Variants in SEMA3E observed in about 807,000 individuals in gnomAD.
The protein encoded by SEMA3E is semaphorin-3E.
Under a neutral mutation model 93.6 loss-of-function variants are expected in SEMA3E, and 49 were observed. The ratio of observed to expected loss-of-function variants is 0.52; its 90% confidence interval spans 0.42 to 0.66. The LOEUF (loss-of-function observed/expected upper bound fraction) is 0.66. SEMA3E is among the 30% of genes least tolerant of loss of function. The pLI, the probability that SEMA3E is intolerant of heterozygous loss-of-function variation, is 0.00. For synonymous variants in SEMA3E, 363 were observed against 330.7 expected (o/e 1.10, Z -1.06); for missense variants, 906 against 964.8 (o/e 0.94, Z 0.81).
At chr7:83,469,186 G>A in intron 3 of SEMA3E, 57 bp downstream of exon 3, 1 of 1,367,318 alleles carries the variant, frequency 7.3e-7, no homozygotes, top group Non-Finnish European at 1.0e-6. Flanking sequence ...TCAGTTCTTT[G>A]TGGTTAACTA....
At chr7:83,418,606 A>C in intron 4 of SEMA3E, 123 bp from the exon 5 acceptor site, 1 of 747,214 alleles carries the variant, frequency 1.3e-6, no homozygotes, top group Non-Finnish European at 2.4e-6. Context: ...GAGCACCAGT[A>C]GCATCAATTT....
At chr7:83,642,498 G>T (rs1057399720) in intron 1 of SEMA3E, among the ~76,000 whole-genome samples, 1 of 152,076 alleles carries the variant, frequency 6.6e-6, no homozygotes. Context: ...GACATGTCCT[G>T]TTCATTCCTA....
chr7:83,420,791 G>T (rs1788657540), intron 4 of SEMA3E, among the ~76,000 whole-genome samples: 1 of 152,118 alleles, frequency 6.6e-6, no homozygotes, highest in African/African-American at 2.4e-5. Context: ...ATGAAATGGG[G>T]CTCCTACTTT....
At chr7:83,625,218 G>T (rs1216285137) in intron 1 of SEMA3E, among the ~76,000 whole-genome samples, 1 of 152,084 alleles carries the variant, frequency 6.6e-6, no homozygotes, top group African/African-American at 2.4e-5. Context: ...GCTCTTTTTG[G>T]TTCCATAACA....
At chr7:83,391,236 T>C (rs942174608) in intron 14 of SEMA3E, among the ~76,000 whole-genome samples, 1 of 152,128 alleles carries the variant, frequency 6.6e-6, no homozygotes, top group African/African-American at 2.4e-5. Flanking sequence ...GAGAATTAAA[T>C]AAAGTATTAT....
chr7:83,538,910 T>C (rs1165706707), intron 1 of SEMA3E, among the ~76,000 whole-genome samples: 1 of 152,212 alleles, frequency 6.6e-6, no homozygotes, highest in African/African-American at 2.4e-5. Flanking sequence ...GGGATTCCCG[T>C]CGCTCTCTCT....
At chr7:83,466,638 T>C (rs1482397389) in intron 3 of SEMA3E, 37 bp from the exon 4 acceptor site, 2 of 1,609,332 alleles carry the variant, frequency 1.2e-6, no homozygotes, top group Non-Finnish European at 8.5e-7. Flanking sequence ...TCTATCAGTA[T>C]AATAAACATG....
chr7:83,425,566 G>C (rs534385868), intron 4 of SEMA3E, among the ~76,000 whole-genome samples: 3 of 152,170 alleles, frequency 2.0e-5, no homozygotes, highest in African/African-American at 7.2e-5. Context: ...ACTACCCATA[G>C]CCTCCAGAAT....
chr7:83,539,864 T>TGTGTGTGA (rs1554336388), intron 1 of SEMA3E, among the ~76,000 whole-genome samples: 6 of 137,066 alleles, frequency 4.4e-5, no homozygotes, highest in African/African-American at 1.6e-4. Flanking sequence ...TCTGTGTGTG[T>TGTGTGTGA]GTGTGTGTGT....
chr7:83,553,181 T>G (rs1174574618), intron 1 of SEMA3E, among the ~76,000 whole-genome samples: 1 of 152,190 alleles, frequency 6.6e-6, no homozygotes, highest in Non-Finnish European at 1.5e-5. Flanking sequence ...ATACTGTCTC[T>G]CTTTATTTCT....
chr7:83,448,083 T>C (rs1385667841), intron 4 of SEMA3E, among the ~76,000 whole-genome samples: 6 of 152,194 alleles, frequency 3.9e-5, no homozygotes, highest in Non-Finnish European at 7.3e-5. Flanking sequence ...AATTTCCATG[T>C]GGAAAGTAAA....
At chr7:83,436,602 G>A (rs1789009879) in intron 4 of SEMA3E, among the ~76,000 whole-genome samples, 1 of 151,888 alleles carries the variant, frequency 6.6e-6, no homozygotes, top group African/African-American at 2.4e-5. Context: ...GAAACTTCAG[G>A]AACTAGAAAA....
intron 1 of SEMA3E, among the ~76,000 whole-genome samples, chr7:83,619,069 T>C (rs1793490461): frequency 6.6e-6 from 1 of 151,888 alleles, no homozygotes; most frequent in Admixed American, 6.6e-5. Context: ...TCTGTTAAAA[T>C]CATTCTTTTA....
At chr7:83,599,402 C>A (rs1373760892) in intron 1 of SEMA3E, among the ~76,000 whole-genome samples, 2 of 152,252 alleles carry the variant, frequency 1.3e-5, no homozygotes, top group East Asian at 3.9e-4. Flanking sequence ...GTAATTTGAT[C>A]ATTTTAATCT....
At chr7:83,567,302 T>C (rs1477553343) in intron 1 of SEMA3E, among the ~76,000 whole-genome samples, 1 of 152,088 alleles carries the variant, frequency 6.6e-6, no homozygotes, top group Non-Finnish European at 1.5e-5. Context: ...TCTAATACAA[T>C]AAACTTTGGG....
chr7:83,643,843 C>A (rs1794045339), intron 1 of SEMA3E, among the ~76,000 whole-genome samples: 1 of 151,924 alleles, frequency 6.6e-6, no homozygotes, highest in Non-Finnish European at 1.5e-5. Flanking sequence ...GCTAGTGTTT[C>A]CTCCTGGGTC....
chr7:83,408,146 G>A (rs763962934), intron 6 of SEMA3E, among the ~76,000 whole-genome samples: 8 of 151,934 alleles, frequency 5.3e-5, no homozygotes, highest in East Asian at 1.9e-4. Flanking sequence ...AGCATTGCTC[G>A]GAAGGTATAC....
chr7:83,520,150 C>T (rs780049651), intron 1 of SEMA3E, among the ~76,000 whole-genome samples: 61 of 152,154 alleles, frequency 4.0e-4, no homozygotes, highest in African/African-American at 1.4e-3. Context: ...AACTTTAAAA[C>T]GATTCTGCAC....
intron 1 of SEMA3E, among the ~76,000 whole-genome samples, chr7:83,493,492 A>C (rs1034981371): frequency 6.6e-6 from 1 of 151,982 alleles, no homozygotes; most frequent in African/African-American, 2.4e-5. Context: ...ATAAATTGAG[A>C]AATATCATTT....
Sources: gnomAD v4.1 joint callset for allele counts (sites outside exome capture counted in the v4.1 genomes callset) on GRCh38, gnomAD v4.1.1 for gene constraint, MANE v1.5 for transcripts, NCBI Gene and HGNC (gene_info 2026-07-23, HGNC 2026-07-21) for gene names.